The following MTFMT variants were observed in gnomAD, a reference collection of about 807,000 sequenced individuals.
The protein encoded by MTFMT is methionyl-tRNA formyltransferase, mitochondrial.
A neutral mutation model predicts 51.8 loss-of-function variants in MTFMT; 47 were observed. That is an observed-to-expected ratio of 0.91 (90% confidence interval 0.72 to 1.16). The LOEUF (loss-of-function observed/expected upper bound fraction) is 1.16, where lower values mean the gene tolerates loss of function less well. Among genes scored for constraint, MTFMT ranks in the 50% most tolerant of loss-of-function variants. The probability of loss-of-function intolerance (pLI) is 0.00; values close to 1 mark genes in which losing one functional copy is unlikely to be tolerated. For missense variants in MTFMT, 512 were observed against 482.3 expected (o/e 1.06, Z -0.58); for synonymous variants, 196 against 176.7 (o/e 1.11, Z -0.87).
intron 6 of MTFMT, among the ~76,000 whole-genome samples, chr15:65,012,273 A>G (rs112135130): frequency 0.028 from 4,185 of 151,760 alleles, 109 homozygotes; most frequent in South Asian, 0.13. Flanking sequence ...AAACCTGCAC[A>G]TTGTGCACAT....
Position 65,029,634 on chromosome 15 carries a change from G to T in MTFMT, c.-21C>A. The T allele has an allele frequency of 1.5e-6, 2 of 1,375,584 alleles. No individual in the cohort carries two copies. The highest frequency in any genetic ancestry group is 1.9e-6 in the Non-Finnish European group (2 of 1,063,926). 85.2% of individuals were successfully genotyped at this position (1,375,584 alleles called of 1,614,324 possible). The stretch of plus-strand genomic sequence containing the variant: ...CTCATCGCCTCGGCCGCCGGCGGCC[G>T]GCCCTGCGCAGGCGCATCGGGGCGG... On this transcript the variant is annotated 5_prime_UTR_variant, in exon 1 of 9. Coordinates refer to ENST00000220058, the MANE Select transcript of MTFMT (RefSeq NM_139242.4).
intron 4 of MTFMT, 52 bp from the exon 5 acceptor site, chr15:65,020,324 A>G: frequency 6.8e-7 from 1 of 1,481,146 alleles, no homozygotes; most frequent in South Asian, 1.2e-5. Flanking sequence ...GGGAAGAACA[A>G]AAGCAGAAAC....
intron 6 of MTFMT, 114 bp downstream of exon 6, chr15:65,016,322 C>A: frequency 1.6e-6 from 1 of 633,454 alleles, no homozygotes; most frequent in Admixed American, 2.7e-5. Context: ...TAAGATCAAC[C>A]TTTTATTTGG....
At chr15:65,029,289 A>AC in intron 1 of MTFMT, 116 bp downstream of exon 1, 1 of 1,322,472 alleles carries the variant, frequency 7.6e-7, no homozygotes, top group Admixed American at 4.1e-5. Context: ...CTGGGCCCAC[A>AC]CCGCTCTGCC....
At chr15:65,012,318 A>C (rs1458896769) in intron 6 of MTFMT, among the ~76,000 whole-genome samples, 1 of 151,498 alleles carries the variant, frequency 6.6e-6, no homozygotes, top group East Asian at 1.9e-4. Context: ...AATAATAATA[A>C]TAATAAAAAG....
At position 65,004,746 on chromosome 15, in the gene MTFMT, C is replaced by T. The variant is rs1028503079; in HGVS notation, c.975+108G>A. The T allele has an allele frequency of 5.0e-6, 3 of 598,244 alleles. No individual in the cohort carries two copies. In the Admixed American group the frequency reaches 1.1e-4, roughly 22 times the overall value. 37.1% of individuals were successfully genotyped at this position (598,244 alleles called of 1,614,324 possible). ...AAGAAAATTAAATGATCTCCTGACC[C>T]AATCTATGGACAGGCAGTTAAGTGA... is the stretch of plus-strand genomic sequence containing the variant. On this transcript the variant is annotated intron_variant, in intron 8 of 8. Transcript: ENST00000220058.
chr15:65,023,009 GT>G (rs2086388434), intron 3 of MTFMT, among the ~76,000 whole-genome samples: 2 of 152,028 alleles, frequency 1.3e-5, no homozygotes, highest in African/African-American at 4.8e-5. Context: ...AACTACCAAA[GT>G]TTTGCCACTC....
At chr15:65,022,729 C>G (rs1595892216) in intron 3 of MTFMT, among the ~76,000 whole-genome samples, 1 of 136,232 alleles carries the variant, frequency 7.3e-6, no homozygotes, top group Admixed American at 7.7e-5. Context: ...TTTTTTGAGA[C>G]AGGTTCTTGC....
chr15:65,004,475 C>T (rs2086205959), intron 8 of MTFMT, among the ~76,000 whole-genome samples: 1 of 152,160 alleles, frequency 6.6e-6, no homozygotes. Flanking sequence ...CTCCTCTTTA[C>T]TACTGTTAAG....
rs2086209101 is a variant in MTFMT at position 65,004,896 on chromosome 15, T to C, written c.933A>G (p.Val311=). The C allele has an allele frequency of 1.9e-6, 3 of 1,612,126 alleles. No individual in the cohort carries two copies. Among genetic ancestry groups the C allele is most frequent in the Non-Finnish European group, 2.5e-6 (3 of 1,178,524 alleles). The change falls in exon 8 of 9, where the codon GTA becomes GTG. Residue 311 remains valine, a synonymous_variant. Transcript: ENST00000220058. The stretch of plus-strand genomic sequence containing the variant: ...GTATTTGTGACTGTTTGTGGTATAT[T>C]ACTGATCCTGGAATAAGAGCCTGTC... ...LTGQALIPGS[V]IYHKQSQILL...
rs573867121 is a variant in MTFMT, at chr15:65,020,435, C to A, written c.646-163G>T. On this transcript the variant is annotated intron_variant, in intron 4 of 8. Transcript: ENST00000220058. ...TACTATTGGCTCTTCAAGGCTGAAC[C>A]TATAACTTTAAAAGATCTATGTGGC... Among the ~76,000 whole-genome samples, 32 of 152,064 alleles carry A rather than the reference C, an allele frequency of 2.1e-4. No homozygotes were observed. The South Asian group carries it at 6.4e-3, about 31-fold the overall frequency.
intron 1 of MTFMT, chr15:65,029,165 C>T (rs909440549): frequency 1.7e-5 from 12 of 696,842 alleles, no homozygotes; most frequent in Middle Eastern, 1.4e-3. Flanking sequence ...GGCAGGGCGC[C>T]TGGAGAACCC....
At chr15:65,012,077 C>A (rs1468278341) in intron 6 of MTFMT, among the ~76,000 whole-genome samples, 1 of 139,310 alleles carries the variant, frequency 7.2e-6, no homozygotes, top group African/African-American at 2.7e-5. Context: ...ATCCCAGCTC[C>A]ATTTATTGAG....
At chr15:65,005,010 T>G (rs1440539419) in intron 7 of MTFMT, 74 bp from the exon 8 acceptor site, 2 of 1,038,178 alleles carry the variant, frequency 1.9e-6, no homozygotes, top group Non-Finnish European at 3.0e-6. Context: ...TTCTTAAAAA[T>G]CAAAAAACAT....
chr15:65,028,590 C>A (rs756209676), intron 1 of MTFMT, among the ~76,000 whole-genome samples: 2 of 152,042 alleles, frequency 1.3e-5, no homozygotes, highest in Non-Finnish European at 2.9e-5. Context: ...GGATTCAATA[C>A]ATGAGGGGCT....
At chr15:65,019,572 C>G (rs1197557384) in intron 5 of MTFMT, among the ~76,000 whole-genome samples, 5 of 151,968 alleles carry the variant, frequency 3.3e-5, no homozygotes, top group Admixed American at 1.3e-4. Context: ...TTAAACAACA[C>G]TGGAAGAAAA....
intron 6 of MTFMT, among the ~76,000 whole-genome samples, chr15:65,012,302 T>TATAATA (rs367734371): frequency 4.9e-5 from 7 of 142,678 alleles, no homozygotes; most frequent in Admixed American, 7.0e-5. Context: ...GAACTTAAAG[T>TATAATA]ATAATAATAA....
chr15:65,016,280 GAATAA>G, intron 6 of MTFMT, 151 bp downstream of exon 6: 1 of 522,926 alleles, frequency 1.9e-6, no homozygotes, highest in Non-Finnish European at 3.4e-6. Context: ...GAATTTTTAA[GAATAA>G]ATTTCAGGTT....
chr15:65,025,038 G>A (rs1403028910), intron 2 of MTFMT, among the ~76,000 whole-genome samples: 1 of 143,134 alleles, frequency 7.0e-6, no homozygotes, highest in Non-Finnish European at 1.5e-5. Flanking sequence ...GCCTTTTATT[G>A]AGTAAGACAG....
Sources: allele counts gnomAD v4.1 joint callset (sites outside exome capture counted in the v4.1 genomes callset), GRCh38; gene constraint gnomAD v4.1.1; transcripts MANE v1.5; gene names NCBI Gene and HGNC (gene_info 2026-07-23, HGNC 2026-07-21).